TENM3: variants seen among roughly 807,000 people sequenced by gnomAD.
TENM3 encodes teneurin transmembrane protein 3, also known as teneurin-3.
A neutral mutation model predicts 255.1 loss-of-function variants in TENM3; 63 were observed. That is an observed-to-expected ratio of 0.25 (90% CI 0.20 to 0.30). TENM3 has a LOEUF of 0.30. Among genes scored for constraint, TENM3 ranks in the 10% least tolerant of loss-of-function variants. The pLI, the probability that TENM3 is intolerant of heterozygous loss-of-function variation, is 1.00. For synonymous variants in TENM3, 1,306 were observed against 1,322.3 expected, an observed-to-expected ratio of 0.99 and a Z score of 0.27; for missense variants, 2,929 against 3,461.1, an observed-to-expected ratio of 0.85 and a Z score of 3.86.
the TENM3 span, among the ~76,000 whole-genome samples, chr4:181,920,455 G>C: frequency 6.6e-6 from 1 of 152,226 alleles, no homozygotes; most frequent in East Asian, 1.9e-4. Flanking sequence ...ATCTCATTGT[G>C]GTTTTGATTT....
At chr4:182,626,431 C>G (rs919146373) in intron 4 of TENM3, among the ~76,000 whole-genome samples, 1 of 152,102 alleles carries the variant, frequency 6.6e-6, no homozygotes, top group South Asian at 2.1e-4. Flanking sequence ...GAGCACTTAC[C>G]TTGTGCTAGA....
rs1372493749 is a variant in TENM3 at position 182,789,741 on chromosome 4, AAG to A, written c.5601+359_5601+360del. Among the ~76,000 whole-genome samples the A allele has an allele frequency of 2.0e-5, 3 of 152,252 alleles. No individual in the cohort carries two copies. Among genetic ancestry groups the A allele is most frequent in the East Asian group, 1.9e-4 (1 of 5,204 alleles). ...AATTTTCGTGCTAGCTCTTCCATTTAAGAGAGAGCCTTACATTAGCACAGTTA... is the reference window on the plus strand; with the variant it reads ...AATTTTCGTGCTAGCTCTTCCATTTAAGAGAGCCTTACATTAGCACAGTTA... On this transcript the variant is annotated intron_variant, in intron 25 of 27. Transcript: ENST00000511685. This position sits in a 1 kb window ranked among gnomAD's most constrained non-coding sequence, Gnocchi z 4.4.
the TENM3 span, among the ~76,000 whole-genome samples, chr4:181,828,726 T>G: frequency 6.6e-6 from 1 of 152,146 alleles, no homozygotes; most frequent in Non-Finnish European, 1.5e-5. Flanking sequence ...GTAGCTGGGA[T>G]TACAGGTGTG....
the TENM3 span, among the ~76,000 whole-genome samples, chr4:181,758,672 C>A: frequency 2.0e-5 from 3 of 152,156 alleles, no homozygotes; most frequent in Non-Finnish European, 4.4e-5. Flanking sequence ...CAACTTTGAG[C>A]TAAGTGCAAG....
At chr4:182,714,302 A>G in intron 13 of TENM3, 69 bp downstream of exon 13, 1 of 571,816 alleles carries the variant, frequency 1.7e-6, no homozygotes. Flanking sequence ...GTGAGTACAT[A>G]GATATCTGTT....
rs7657327 is a variant in TENM3, at chr4:182,710,615, G to A, written c.2222-3472G>A. ...TACTGTTTTGTTTACACACATGACA[G>A]AACCACCACACCTGAGTGGCCCAAC... On this transcript the variant is annotated intron_variant, in intron 12 of 27. Transcript: ENST00000511685. 7.8e-3 allele frequency among the ~76,000 whole-genome samples: 1,184 copies of A among 152,272 alleles called. 17 individuals carry two copies. Among genetic ancestry groups the A allele is most frequent in the African/African-American group, 0.027 (1,133 of 41,558 alleles).
At chr4:182,253,420 C>T (rs1758167136) in intron 1 of TENM3, among the ~76,000 whole-genome samples, 1 of 152,292 alleles carries the variant, frequency 6.6e-6, no homozygotes, top group Non-Finnish European at 1.5e-5. Context: ...TTGTAGTGAG[C>T]TGAGATCGCA....
At chr4:181,992,144 A>G in the TENM3 span, among the ~76,000 whole-genome samples, 1 of 152,144 alleles carries the variant, frequency 6.6e-6, no homozygotes. Context: ...TCTTCACTTT[A>G]TTAAGCATGC....
intron 1 of TENM3, among the ~76,000 whole-genome samples, chr4:182,288,802 C>T (rs1760914781): frequency 6.6e-6 from 1 of 152,214 alleles, no homozygotes; most frequent in Non-Finnish European, 1.5e-5. Flanking sequence ...ACTCATGGAG[C>T]ACAGGGTGGA....
At chr4:182,735,956 T>C (rs1021530712) in intron 16 of TENM3, among the ~76,000 whole-genome samples, 1 of 152,230 alleles carries the variant, frequency 6.6e-6, no homozygotes, top group Non-Finnish European at 1.5e-5. Context: ...ATAATTCTTA[T>C]GCACATAATT....
the TENM3 span, among the ~76,000 whole-genome samples, chr4:181,912,529 T>A: frequency 6.6e-6 from 1 of 152,070 alleles, no homozygotes; most frequent in African/African-American, 2.4e-5. Context: ...GGCTCATGCT[T>A]GTAATCCCAA....
the TENM3 span, among the ~76,000 whole-genome samples, chr4:181,792,597 A>G: frequency 6.6e-6 from 1 of 152,216 alleles, no homozygotes. Context: ...TCAAGGTCAG[A>G]TGGGCAATTA....
chr4:182,704,188 T>G (rs1359891163), intron 12 of TENM3, among the ~76,000 whole-genome samples: 1 of 152,184 alleles, frequency 6.6e-6, no homozygotes, highest in Non-Finnish European at 1.5e-5. Context: ...AAGGGAGATG[T>G]GTTACTAACA....
At chr4:181,843,450 C>G in the TENM3 span, among the ~76,000 whole-genome samples, 2 of 152,206 alleles carry the variant, frequency 1.3e-5, no homozygotes, top group Admixed American at 6.5e-5. Context: ...AATCTTAAAT[C>G]TTGTGAGGCG....
chr4:182,188,408 T>G (rs1753302715), intron 1 of TENM3, among the ~76,000 whole-genome samples: 1 of 152,138 alleles, frequency 6.6e-6, no homozygotes, highest in Non-Finnish European at 1.5e-5. Context: ...ACACCTAGAT[T>G]CGGCTCCATA....
chr4:181,910,327 G>A, the TENM3 span, among the ~76,000 whole-genome samples: 1 of 151,940 alleles, frequency 6.6e-6, no homozygotes. Flanking sequence ...AGCACTTTGA[G>A]AGGCTGAGGA....
chr4:181,850,040 C>G, the TENM3 span, among the ~76,000 whole-genome samples: 2 of 151,254 alleles, frequency 1.3e-5, no homozygotes, highest in Admixed American at 1.3e-4. Context: ...TTTAAATCCT[C>G]TTTCTCCCTT....
the TENM3 span, among the ~76,000 whole-genome samples, chr4:181,984,046 A>C: frequency 2.0e-5 from 3 of 151,946 alleles, no homozygotes; most frequent in African/African-American, 7.2e-5. Context: ...AATGCTCCCC[A>C]TTGCTGTACT....
At chr4:182,108,450 A>T in the TENM3 span, among the ~76,000 whole-genome samples, 1 of 152,224 alleles carries the variant, frequency 6.6e-6, no homozygotes, top group East Asian at 1.9e-4. Context: ...GACTTGGGAA[A>T]TATAACATTC....
Sources: gnomAD v4.1 joint callset for allele counts (sites outside exome capture counted in the v4.1 genomes callset) on GRCh38, gnomAD v4.1.1 for gene constraint, Gnocchi (gnomAD v3.1) non-coding constraint, MANE v1.5 for transcripts, NCBI Gene and HGNC (gene_info 2026-07-23, HGNC 2026-07-21) for gene names.